Variants in SEC23B observed in about 807,000 individuals in gnomAD.
SEC23B encodes the protein SEC23 homolog B, COPII component, also known as protein transport protein Sec23B.
SEC23B carries 77 observed loss-of-function variants against 104.3 expected under a neutral mutation model. That is an observed-to-expected ratio of 0.74 (90% CI 0.61 to 0.89). The LOEUF is 0.89. Ranked by LOEUF, SEC23B falls within the 40% of genes least tolerant of loss-of-function variation. The pLI, the probability that SEC23B is intolerant of heterozygous loss-of-function variation, is 0.00. For synonymous variants in SEC23B, 338 were observed against 332.5 expected (o/e 1.02, Z -0.18); for missense variants, 885 against 949.4 (o/e 0.93, Z 0.89).
chr20:18,528,118 AT>A (rs936173962), intron 9 of SEC23B, among the ~76,000 whole-genome samples: 2 of 152,108 alleles, frequency 1.3e-5, no homozygotes, highest in Non-Finnish European at 2.9e-5. Flanking sequence ...TGGTGTCCAG[AT>A]TTGCAGCCTT....
At position 18,554,327 on chromosome 20, in the gene SEC23B, A is replaced by G. The variant is rs763119847; in HGVS notation, c.2085A>G (p.Gln695=). Residue 695 remains glutamine (Q), a synonymous_variant, in exon 18 of 20, where the codon CAA becomes CAG. Coordinates refer to ENST00000650089, the MANE Select transcript of SEC23B (RefSeq NM_006363.6). ...TGCAGGCACCACTGGATGATGCTCA[A>G]GAAATTCTGCAAGCACGCTTCCCGA... ...HLLQAPLDDA[Q]EILQARFPMP... is the part of the protein sequence containing the mutation. 2 of 1,614,200 alleles carry G rather than the reference A, an allele frequency of 1.2e-6. No homozygotes were observed. Among genetic ancestry groups the G allele is most frequent in the East Asian group, 2.2e-5 (1 of 44,878 alleles).
At chr20:18,521,548 A>C (rs2060084132) in intron 4 of SEC23B, among the ~76,000 whole-genome samples, 1 of 152,180 alleles carries the variant, frequency 6.6e-6, no homozygotes, top group African/African-American at 2.4e-5. Flanking sequence ...TTTAAGAGGA[A>C]ATTGTTGGGC....
At chr20:18,509,333 T>C (rs2059960827) in intron 1 of SEC23B, among the ~76,000 whole-genome samples, 1 of 152,220 alleles carries the variant, frequency 6.6e-6, no homozygotes. Context: ...CAAAATTATT[T>C]ACAGTATGGT....
chr20:18,518,894 A>G (rs2060058251), intron 4 of SEC23B, among the ~76,000 whole-genome samples: 1 of 152,098 alleles, frequency 6.6e-6, no homozygotes. Context: ...ACCCTTGTGT[A>G]GTGATTTTCT....
Position 18,532,721 on chromosome 20 carries a change from A to G in SEC23B, c.1291A>G (p.Lys431Glu). The part of the protein sequence containing the change: ...AIGPCVSLNV[K>E]GPCVSENELG... ...TGGTCCATGCGTATCTCTGAATGTGAAAGGACCGTGTGTGTCAGAAAATGT... is the reference window on the plus strand; with the variant it reads ...TGGTCCATGCGTATCTCTGAATGTGGAAGGACCGTGTGTGTCAGAAAATGT... The change falls in exon 11 of 20, where the codon AAA becomes GAA. Residue 431 changes from lysine (K) to glutamate (E), a missense_variant. Physicochemically the swap from Lys to Glu is moderately conservative, Grantham distance 56. Transcript: ENST00000650089. 1 of 1,613,796 alleles carries G rather than the reference A, an allele frequency of 6.2e-7. No homozygotes were observed. Among genetic ancestry groups the G allele is most frequent in the Non-Finnish European group, 8.5e-7 (1 of 1,179,682 alleles).
intron 9 of SEC23B, 122 bp downstream of exon 9, chr20:18,527,733 A>G (rs1274575586): frequency 6.4e-6 from 5 of 780,458 alleles, no homozygotes; most frequent in African/African-American, 3.4e-5. Flanking sequence ...GCTCTGGGCT[A>G]TGGTTTCAGT....
At position 18,526,508 on chromosome 20, in the gene SEC23B, C is replaced by T. The variant is rs121918225; in HGVS notation, c.970C>T (p.Arg324Ter). 2.1e-5 allele frequency: 34 copies of T among 1,613,952 alleles called. No homozygotes were observed. The highest frequency in any genetic ancestry group is 4.5e-5 in the East Asian group (2 of 44,888). ...GCATGATATTGAGAAAGATAATGCA[C>T]GATTCATGAAAAAGGCAACCAAGGT... ...SWHDIEKDNA[R>*]FMKKATKHYE... Residue 324 changes from arginine (R) to a stop codon, truncating the protein, a stop_gained, in exon 8 of 20, where the codon CGA becomes TGA. Transcript: ENST00000650089. LOFTEE classifies it high-confidence loss of function.
At chr20:18,524,780 G>T (rs2060119718) in intron 5 of SEC23B, 111 bp downstream of exon 5, 1 of 1,189,502 alleles carries the variant, frequency 8.4e-7, no homozygotes. Context: ...TGTGATCATT[G>T]CTCAATGGCT....
intron 4 of SEC23B, among the ~76,000 whole-genome samples, chr20:18,520,316 A>G (rs777704932): frequency 3.3e-5 from 5 of 152,186 alleles, no homozygotes; most frequent in African/African-American, 4.8e-5. Context: ...GCTTTAATCC[A>G]TTTAAAGCAT....
At chr20:18,517,968 T>G (rs1004084184) in intron 4 of SEC23B, among the ~76,000 whole-genome samples, 4 of 152,222 alleles carry the variant, frequency 2.6e-5, no homozygotes, top group Admixed American at 2.6e-4. Flanking sequence ...GGTGAGTTTT[T>G]GGGCTCTATT....
intron 4 of SEC23B, among the ~76,000 whole-genome samples, chr20:18,520,768 G>A (rs538925629): frequency 3.3e-5 from 5 of 152,068 alleles, no homozygotes; most frequent in African/African-American, 1.2e-4. Context: ...GATTAAGAAG[G>A]CGACGGACTT....
chr20:18,551,827 A>G (rs1007441163), intron 17 of SEC23B, among the ~76,000 whole-genome samples: 2 of 152,212 alleles, frequency 1.3e-5, no homozygotes, highest in Admixed American at 6.5e-5. Context: ...TTTTCTCCTC[A>G]GTAAATATTT....
intron 4 of SEC23B, among the ~76,000 whole-genome samples, chr20:18,519,514 A>G (rs2060063811): frequency 1.3e-5 from 2 of 152,176 alleles, no homozygotes; most frequent in African/African-American, 4.8e-5. Context: ...AGTAAGGTCA[A>G]GTTGTTTGGA....
chr20:18,530,931 C>CCA, intron 10 of SEC23B, 128 bp downstream of exon 10: 5 of 690,170 alleles, frequency 7.2e-6, no homozygotes, highest in Non-Finnish European at 1.0e-5. Flanking sequence ...GCATGAGCCA[C>CCA]TGTACCTGGC....
rs2060490459 is a variant in SEC23B, at chr20:18,561,286, C to T, written c.*546C>T. On this transcript the variant is annotated 3_prime_UTR_variant, in exon 20 of 20. Coordinates refer to ENST00000650089, the MANE Select transcript of SEC23B (RefSeq NM_006363.6). ...ATAAGTTACCTCCACTCTATAAACTCAGACCTACTTTTTGAAGATAACTGC... is the reference window on the plus strand; with the variant it reads ...ATAAGTTACCTCCACTCTATAAACTTAGACCTACTTTTTGAAGATAACTGC... 1.3e-5 allele frequency: 2 copies of T among 153,650 alleles called. No homozygotes were observed. The highest frequency in any genetic ancestry group is 1.3e-4 in the Admixed American group (2 of 15,476). 9.5% of individuals were successfully genotyped at this position (153,650 alleles called of 1,614,324 possible). A position where few individuals can be genotyped will look rare whatever the true frequency, so the allele number is the denominator to read the frequency against.
intron 6 of SEC23B, 42 bp downstream of exon 6, chr20:18,525,062 A>G (rs759080434): frequency 1.4e-5 from 21 of 1,514,144 alleles, no homozygotes; most frequent in Non-Finnish European, 1.8e-5. Context: ...TGTGATGGAC[A>G]TGCAGATGAT....
chr20:18,550,119 A>G (rs542190506), intron 16 of SEC23B, among the ~76,000 whole-genome samples: 2 of 122,244 alleles, frequency 1.6e-5, no homozygotes, highest in African/African-American at 6.0e-5. Flanking sequence ...AATATAAATT[A>G]TATACTTATA....
chr20:18,556,153 C>T (rs1046125323), intron 19 of SEC23B, among the ~76,000 whole-genome samples: 3 of 152,038 alleles, frequency 2.0e-5, no homozygotes, highest in Admixed American at 1.3e-4. Context: ...GATGGGGGAG[C>T]AGCTGTAAAT....
intron 18 of SEC23B, 121 bp from the exon 19 acceptor site, chr20:18,554,959 CAGTAAAACAATTCTAATTAGATTACTGT>C: frequency 1.2e-5 from 1 of 82,938 alleles, no homozygotes; most frequent in Non-Finnish European, 3.5e-5. Flanking sequence ...GATTACTGTG[CAGTAAAACAATTCTAATTAGATTACTGT>C]GCAGTAAAAC....
Sources: allele counts gnomAD v4.1 joint callset (sites outside exome capture counted in the v4.1 genomes callset), GRCh38; gene constraint gnomAD v4.1.1; transcripts MANE v1.5; gene names NCBI Gene and HGNC (gene_info 2026-07-23, HGNC 2026-07-21).